The following KIAA0232 variants were observed in gnomAD, a reference collection of about 807,000 sequenced individuals.
KIAA0232 encodes uncharacterized protein KIAA0232.
A neutral mutation model predicts 122.0 loss-of-function variants in KIAA0232; 27 were observed. The observed-to-expected ratio is 0.22, with a 90% confidence interval of 0.16 to 0.31. KIAA0232 has a LOEUF of 0.31. Among genes scored for constraint, KIAA0232 ranks in the 10% least tolerant of loss-of-function variants. The pLI is 1.00. For missense variants in KIAA0232, 1,551 were observed against 1,634.2 expected, an observed-to-expected ratio of 0.95 and a Z score of 0.88; for synonymous variants, 613 against 587.6, an observed-to-expected ratio of 1.04 and a Z score of -0.63.
chr4:6,844,245 A>G (rs1231673670), intron 4 of KIAA0232, among the ~76,000 whole-genome samples: 1 of 150,714 alleles, frequency 6.6e-6, no homozygotes, highest in African/African-American at 2.4e-5. Flanking sequence ...CGACCAAGTT[A>G]CCCATCGTTT....
chr4:6,802,040 G>A (rs1475425426), intron 1 of KIAA0232, among the ~76,000 whole-genome samples: 1 of 152,206 alleles, frequency 6.6e-6, no homozygotes, highest in Non-Finnish European at 1.5e-5. Flanking sequence ...CTTCATGAGT[G>A]TCACAAGTTG....
At chr4:6,793,618 A>G (rs1717003837) in intron 1 of KIAA0232, among the ~76,000 whole-genome samples, 1 of 115,878 alleles carries the variant, frequency 8.6e-6, no homozygotes, top group Non-Finnish European at 2.0e-5. Context: ...GAGATTCACT[A>G]GGATTATTTG....
At position 6,844,157 on chromosome 4, in the gene KIAA0232, G is replaced by T. The variant is rs1719827419; in HGVS notation, c.369+1953G>T. On this transcript the variant is annotated intron_variant, in intron 4 of 9. Transcript: ENST00000307659. Reference sequence around the variant, plus strand: ...GGGTATCACCGTGTTAGCCAGGATGGTCTCCATCTCCTGACCTCGTGATCC... The same window carrying T: ...GGGTATCACCGTGTTAGCCAGGATGTTCTCCATCTCCTGACCTCGTGATCC... Among the ~76,000 whole-genome samples, 4 of 151,492 alleles carry T rather than the reference G, an allele frequency of 2.6e-5. No homozygotes were observed. The South Asian group carries it at 8.4e-4, about 32-fold the overall frequency.
chr4:6,796,125 A>C (rs1389484779), intron 1 of KIAA0232, among the ~76,000 whole-genome samples: 2 of 152,230 alleles, frequency 1.3e-5, no homozygotes, highest in East Asian at 3.8e-4. Flanking sequence ...AGTAAAAGGA[A>C]AGTATCAGAA....
intron 4 of KIAA0232, among the ~76,000 whole-genome samples, chr4:6,847,867 A>AG (rs1720051567): frequency 6.6e-6 from 1 of 151,770 alleles, no homozygotes; most frequent in Admixed American, 6.6e-5. Flanking sequence ...CCCCTTAAAA[A>AG]AAAAAACTAC....
At chr4:6,823,026 G>T (rs567045867) in intron 2 of KIAA0232, among the ~76,000 whole-genome samples, 1 of 150,472 alleles carries the variant, frequency 6.6e-6, no homozygotes, top group Admixed American at 6.6e-5. Context: ...AGAATATGTG[G>T]TGTTTGGTTT....
chr4:6,879,168 G>A (rs990768715), intron 9 of KIAA0232, among the ~76,000 whole-genome samples: 6 of 151,924 alleles, frequency 3.9e-5, no homozygotes, highest in East Asian at 1.9e-4. Flanking sequence ...TCCTGCTTTC[G>A]TCATCCTTTC....
At chr4:6,815,454 C>CT (rs1718075008) in intron 2 of KIAA0232, among the ~76,000 whole-genome samples, 1 of 152,176 alleles carries the variant, frequency 6.6e-6, no homozygotes, top group Non-Finnish European at 1.5e-5. Context: ...GTAGAGAAAG[C>CT]TTAGTGCCCG....
chr4:6,786,563 C>G (rs1716628964), intron 1 of KIAA0232, among the ~76,000 whole-genome samples: 1 of 152,196 alleles, frequency 6.6e-6, no homozygotes, highest in Non-Finnish European at 1.5e-5. Context: ...CCACCTCAAC[C>G]TCCCAAAGTG....
chr4:6,831,510 T>C (rs959957903), intron 3 of KIAA0232, among the ~76,000 whole-genome samples: 16 of 152,226 alleles, frequency 1.1e-4, no homozygotes, highest in Non-Finnish European at 1.5e-4. Context: ...TTACTAACTG[T>C]TCCATATAGA....
intron 4 of KIAA0232, among the ~76,000 whole-genome samples, chr4:6,851,680 C>T (rs1720292403): frequency 6.8e-6 from 1 of 147,362 alleles, no homozygotes; most frequent in Non-Finnish European, 1.5e-5. Context: ...CATACCACTG[C>T]ACTCCAGCCT....
intron 1 of KIAA0232, among the ~76,000 whole-genome samples, chr4:6,787,177 CAAAA>C (rs34617834): frequency 6.1e-5 from 5 of 81,400 alleles, no homozygotes; most frequent in Non-Finnish European, 9.2e-5. Context: ...AAGGCTCTCT[CAAAA>C]AAAAAAAAAA....
At chr4:6,839,540 C>T (rs1719530566) in intron 3 of KIAA0232, among the ~76,000 whole-genome samples, 1 of 152,272 alleles carries the variant, frequency 6.6e-6, no homozygotes, top group East Asian at 1.9e-4. Context: ...TGACAACTGC[C>T]AGTTTAGGAA....
At chr4:6,842,777 TG>T (rs1719732141) in intron 4 of KIAA0232, among the ~76,000 whole-genome samples, 1 of 151,958 alleles carries the variant, frequency 6.6e-6, no homozygotes, top group African/African-American at 2.4e-5. Context: ...TTAGTAGAGA[TG>T]GGGTTTCACC....
intron 3 of KIAA0232, among the ~76,000 whole-genome samples, chr4:6,837,165 C>G (rs979474430): frequency 6.6e-6 from 1 of 151,200 alleles, no homozygotes; most frequent in Admixed American, 6.6e-5. Flanking sequence ...GGCCGGCTGG[C>G]GGGGCGGAGG....
chr4:6,871,837 T>G (rs370114463), intron 8 of KIAA0232, among the ~76,000 whole-genome samples, 155 bp downstream of exon 8: 1 of 152,270 alleles, frequency 6.6e-6, no homozygotes, highest in East Asian at 1.9e-4. Flanking sequence ...CAGGGAGGAA[T>G]GAGAACTGGG....
At chr4:6,860,754 AATT>A in intron 6 of KIAA0232, 144 bp from the exon 7 acceptor site, 1 of 752,156 alleles carries the variant, frequency 1.3e-6, no homozygotes, top group Non-Finnish European at 2.1e-6. Context: ...CTGTATTATA[AATT>A]ATTGTAAAGT....
intron 7 of KIAA0232, among the ~76,000 whole-genome samples, chr4:6,869,931 C>A (rs536647851): frequency 6.4e-4 from 97 of 152,292 alleles, no homozygotes; most frequent in African/African-American, 2.2e-3. Flanking sequence ...GTTCACAGGC[C>A]TCTCCACTAA....
rs758473629 is a variant in KIAA0232, at chr4:6,842,585, A to AT, written c.369+399dup. On this transcript the variant is annotated intron_variant, in intron 4 of 9. Coordinates refer to ENST00000307659, the MANE Select transcript of KIAA0232 (RefSeq NM_014743.3). ...TTACTGGATGTTTACCTTGCTCTTG[A>AT]TTTTTTTTTTTTTTTTTTAAGACAG... 6.8e-3 allele frequency among the ~76,000 whole-genome samples: 906 copies of AT among 133,298 alleles called. 5 individuals are homozygous for AT. Among genetic ancestry groups the AT allele is most frequent in the African/African-American group, 0.017 (633 of 36,296 alleles). 87.4% of individuals were successfully genotyped at this position (133,298 alleles called of 152,430 possible).
Sources: allele counts gnomAD v4.1 joint callset (sites outside exome capture counted in the v4.1 genomes callset), GRCh38; gene constraint gnomAD v4.1.1; transcripts MANE v1.5; gene names NCBI Gene and HGNC (gene_info 2026-07-23, HGNC 2026-07-21).